The following CHL1 variants were observed in gnomAD, a reference collection of about 807,000 sequenced individuals.
CHL1 encodes the protein cell adhesion molecule L1 like, also known as neural cell adhesion molecule L1-like protein.
CHL1 carries 96 observed loss-of-function variants against 141.9 expected under a neutral mutation model. That is an observed-to-expected ratio of 0.68 (90% CI 0.57 to 0.80). The LOEUF is 0.80. Ranked by LOEUF, CHL1 falls within the 30% of genes least tolerant of loss-of-function variation. CHL1 has a pLI of 0.00. For synonymous variants in CHL1, 613 were observed against 502.2 expected, an observed-to-expected ratio of 1.22 and a Z score of -2.95; for missense variants, 1,820 against 1,457.2, an observed-to-expected ratio of 1.25 and a Z score of -4.05.
chr3:312,875 G>T (rs142944022), intron 2 of CHL1, among the ~76,000 whole-genome samples: 63 of 152,244 alleles, frequency 4.1e-4, no homozygotes, highest in Non-Finnish European at 7.9e-4. Context: ...ACTATAATTT[G>T]GATGCCAGTG....
At chr3:243,981 G>A (rs901805762) in intron 1 of CHL1, among the ~76,000 whole-genome samples, 1 of 152,188 alleles carries the variant, frequency 6.6e-6, no homozygotes, top group African/African-American at 2.4e-5. Context: ...CTGAGATTGG[G>A]AGCCAATCCT....
intron 6 of CHL1, 66 bp downstream of exon 6, chr3:340,982 TAATG>T: frequency 2.7e-6 from 4 of 1,471,494 alleles, no homozygotes; most frequent in Non-Finnish European, 3.7e-6. Context: ...ATCAATAACA[TAATG>T]AATCCAAAGA....
chr3:257,497 G>T (rs929356445), intron 2 of CHL1, among the ~76,000 whole-genome samples: 1 of 152,004 alleles, frequency 6.6e-6, no homozygotes, highest in African/African-American at 2.4e-5. Context: ...GGGATTACAG[G>T]TGCCTGCCAC....
chr3:350,664 T>G (rs1265530107), intron 10 of CHL1, among the ~76,000 whole-genome samples: 1 of 151,978 alleles, frequency 6.6e-6, no homozygotes, highest in Non-Finnish European at 1.5e-5. Flanking sequence ...TTAACACAGT[T>G]GATTTAGGCA....
intron 1 of CHL1, among the ~76,000 whole-genome samples, chr3:199,506 C>T (rs1698730764): frequency 6.6e-6 from 1 of 152,178 alleles, no homozygotes; most frequent in African/African-American, 2.4e-5. Flanking sequence ...CTTCGTGGGC[C>T]TAGCTGTAGG....
chr3:255,600 A>G (rs1009256429), intron 2 of CHL1, among the ~76,000 whole-genome samples: 16 of 152,200 alleles, frequency 1.1e-4, no homozygotes, highest in South Asian at 6.2e-4. Context: ...TTGGGCAAGT[A>G]TCTGTGCTCA....
intron 2 of CHL1, among the ~76,000 whole-genome samples, chr3:258,769 A>T (rs1361667778): frequency 1.3e-5 from 2 of 152,168 alleles, no homozygotes; most frequent in African/African-American, 2.4e-5. Flanking sequence ...CGAAAGTGAG[A>T]CAATTGCATC....
At chr3:260,842 T>C (rs1204739961) in intron 2 of CHL1, among the ~76,000 whole-genome samples, 1 of 152,200 alleles carries the variant, frequency 6.6e-6, no homozygotes, top group Non-Finnish European at 1.5e-5. Flanking sequence ...GGAAGCCAAA[T>C]GGTTTTTAAA....
chr3:297,263 G>A (rs1274834689), intron 2 of CHL1, among the ~76,000 whole-genome samples: 1 of 152,078 alleles, frequency 6.6e-6, no homozygotes, highest in Non-Finnish European at 1.5e-5. Flanking sequence ...TAAGGGATAA[G>A]TAGAGAGATC....
intron 5 of CHL1, among the ~76,000 whole-genome samples, chr3:337,915 AT>A (rs1311688653): frequency 2.0e-5 from 3 of 152,178 alleles, no homozygotes; most frequent in Admixed American, 6.5e-5. Context: ...GTCAAATGGT[AT>A]TTCTAGTTCT....
intron 2 of CHL1, among the ~76,000 whole-genome samples, chr3:307,089 A>G (rs1287771457): frequency 6.6e-6 from 1 of 152,180 alleles, no homozygotes; most frequent in Non-Finnish European, 1.5e-5. Context: ...TAGTTTCTTC[A>G]TATTTGCATC....
Position 328,268 on chromosome 3 carries a change from T to C in CHL1, c.299T>C (p.Ile100Thr). The C allele has an allele frequency of 6.2e-7, 1 of 1,612,684 alleles. No homozygotes were observed. The highest frequency in any genetic ancestry group is 8.5e-7 in the Non-Finnish European group (1 of 1,179,050). ...GTFRIPNEGH[I>T]SHFQGKYRCF... ...TTCAGGATCCCAAACGAGGGGCACA[T>C]ATCTCACTTTCAAGGGAAATACCGC... The change falls in exon 5 of 28, where the codon ATA becomes ACA. Residue 100 changes from isoleucine to threonine, a missense_variant. Ile to Thr is a moderately conservative substitution (Grantham distance 89). Transcript: ENST00000256509.
In CHL1 at chr3:363,375, A is replaced by G; in HGVS notation, c.1577A>G (p.Asp526Gly). ...AAAACTGCAGTCACAGCCAATTTGG[A>G]TATTAGAAGTATTTTTATTTCACTG... is the stretch of plus-strand genomic sequence containing the variant. ...IGKTAVTANLDIRNATKLRVS... is the reference protein window; with the variant it reads ...IGKTAVTANLGIRNATKLRVS... Residue 526 changes from aspartate (D) to glycine (G), a missense_variant, in exon 14 of 28, where the codon GAT (aspartate) becomes GGT (glycine). By Grantham distance (94) the Asp-to-Gly change is moderately conservative. Coordinates refer to ENST00000256509, the MANE Select transcript of CHL1 (RefSeq NM_006614.4). 1 of 1,609,796 alleles carries G rather than the reference A, an allele frequency of 6.2e-7. No homozygotes were observed. The highest frequency in any genetic ancestry group is 8.5e-7 in the Non-Finnish European group (1 of 1,178,368).
At chr3:319,205 T>C (rs1175958649) in intron 2 of CHL1, among the ~76,000 whole-genome samples, 1 of 151,044 alleles carries the variant, frequency 6.6e-6, no homozygotes, top group African/African-American at 2.4e-5. Context: ...AATAATAGAA[T>C]AATTGTGGAC....
At chr3:233,350 G>T (rs183324196) in intron 1 of CHL1, among the ~76,000 whole-genome samples, 47 of 151,734 alleles carry the variant, frequency 3.1e-4, no homozygotes, top group Middle Eastern at 3.4e-3. Flanking sequence ...TGCCTCTCTT[G>T]CTTTTCTATA....
chr3:268,183 A>G (rs1231871533), intron 2 of CHL1, among the ~76,000 whole-genome samples: 1 of 152,226 alleles, frequency 6.6e-6, no homozygotes, highest in African/African-American at 2.4e-5. Context: ...TGGGTAAAAT[A>G]ATTTGGAATA....
At chr3:404,251 G>T (rs1169639001) in intron 27 of CHL1, among the ~76,000 whole-genome samples, 1 of 152,024 alleles carries the variant, frequency 6.6e-6, no homozygotes, top group Non-Finnish European at 1.5e-5. Context: ...AAAATTCCAT[G>T]GTGGCATATA....
At chr3:258,737 G>T (rs1297906054) in intron 2 of CHL1, among the ~76,000 whole-genome samples, 3 of 152,094 alleles carry the variant, frequency 2.0e-5, no homozygotes, top group Non-Finnish European at 1.5e-5. Context: ...CAATTTTCCA[G>T]GTGTTGCTTC....
intron 2 of CHL1, among the ~76,000 whole-genome samples, chr3:253,374 T>C (rs1693881526): frequency 6.6e-6 from 1 of 152,152 alleles, no homozygotes; most frequent in Non-Finnish European, 1.5e-5. Flanking sequence ...GTAACAGAGC[T>C]GGTATCAGAG....
Sources: allele counts gnomAD v4.1 joint callset (sites outside exome capture counted in the v4.1 genomes callset), GRCh38; gene constraint gnomAD v4.1.1; transcripts MANE v1.5; gene names NCBI Gene and HGNC (gene_info 2026-07-23, HGNC 2026-07-21).